NAALADL2: variants seen among roughly 807,000 people sequenced by gnomAD.
The protein encoded by NAALADL2 is inactive N-acetylated-alpha-linked acidic dipeptidase-like protein 2.
A neutral mutation model predicts 87.2 loss-of-function variants in NAALADL2; 76 were observed. The observed-to-expected ratio is 0.87, with a 90% CI of 0.72 to 1.05. NAALADL2 has a LOEUF of 1.05. Ranked by LOEUF, NAALADL2 falls within the 50% of genes least tolerant of loss-of-function variation. The pLI, the probability that NAALADL2 is intolerant of heterozygous loss-of-function variation, is 0.00. For synonymous variants in NAALADL2, 354 were observed against 331.0 expected (o/e 1.07, Z -0.75); for missense variants, 1,089 against 945.8 (o/e 1.15, Z -1.99).
intron 2 of NAALADL2, among the ~76,000 whole-genome samples, chr3:174,604,842 C>G (rs375863469): frequency 6.6e-6 from 1 of 151,316 alleles, no homozygotes; most frequent in African/African-American, 2.4e-5. Flanking sequence ...GATCTTGGCT[C>G]ACCACAACCT....
chr3:175,126,238 T>C (rs6783266), intron 2 of NAALADL2, among the ~76,000 whole-genome samples: 55,695 of 151,832 alleles, frequency 0.37, 10,326 homozygotes, highest in East Asian at 0.45. Context: ...GAAGAACAGA[T>C]AAAAGAGGCG....
At chr3:175,751,889 A>G (rs969147142) in intron 12 of NAALADL2, among the ~76,000 whole-genome samples, 13 of 151,874 alleles carry the variant, frequency 8.6e-5, no homozygotes, top group African/African-American at 2.9e-4. Context: ...TTTTATTTCA[A>G]TTTAGTTTAA....
intron 2 of NAALADL2, among the ~76,000 whole-genome samples, chr3:174,652,881 A>G (rs578000610): frequency 1.3e-5 from 2 of 152,216 alleles, no homozygotes; most frequent in South Asian, 4.2e-4. Context: ...AAACAGAAAA[A>G]CCCAATGGAA....
At chr3:174,628,478 A>C (rs1188985212) in intron 2 of NAALADL2, among the ~76,000 whole-genome samples, 5 of 110,934 alleles carry the variant, frequency 4.5e-5, no homozygotes, top group Non-Finnish European at 7.7e-5. Context: ...CTGTCTCAAA[A>C]AAAAAAAAAA....
chr3:175,675,710 C>T (rs1337924804), intron 11 of NAALADL2: 1 of 152,152 alleles, frequency 6.6e-6, no homozygotes, highest in Non-Finnish European at 1.5e-5. Context: ...TAATTTTGAA[C>T]TCAGGCATAT....
intron 6 of NAALADL2, among the ~76,000 whole-genome samples, chr3:175,459,331 A>G (rs1314797529): frequency 6.6e-6 from 1 of 152,098 alleles, no homozygotes; most frequent in African/African-American, 2.4e-5. Context: ...GGGTGGGTAG[A>G]TAGATACAGC....
chr3:174,710,598 C>T (rs1397205506), intron 2 of NAALADL2, among the ~76,000 whole-genome samples: 1 of 152,022 alleles, frequency 6.6e-6, no homozygotes, highest in East Asian at 1.9e-4. Context: ...TAGTTGCAGA[C>T]GAGGAAGTTA....
intron 1 of NAALADL2, among the ~76,000 whole-genome samples, chr3:174,950,438 A>G (rs1740167334): frequency 6.6e-6 from 1 of 152,136 alleles, no homozygotes; most frequent in Non-Finnish European, 1.5e-5. Context: ...TGTAAAACAT[A>G]CATATACATG....
At position 175,576,087 on chromosome 3, in the gene NAALADL2, A is replaced by T; in HGVS notation, c.1700A>T (p.Asn567Ile). The change falls in exon 10 of 14, where the codon AAT (asparagine) becomes ATT (isoleucine). Residue 567 changes from asparagine (N) to isoleucine (I), a missense_variant. Coordinates refer to ENST00000454872, the MANE Select transcript of NAALADL2 (RefSeq NM_207015.3). The part of the protein sequence containing the change: ...CTRRAQCPET[N>I]ISSIQIQGDA... ...AGAAGAGCCCAGTGCCCAGAAACCA[A>T]TATCAGTTCTATACAGATACAAGGT... The T allele has an allele frequency of 6.2e-7, 1 of 1,613,378 alleles. No individual in the cohort carries two copies. Among genetic ancestry groups the T allele is most frequent in the East Asian group, 2.2e-5 (1 of 44,858 alleles).
At chr3:174,752,674 T>C (rs1023944323) in intron 3 of NAALADL2, among the ~76,000 whole-genome samples, 2 of 152,150 alleles carry the variant, frequency 1.3e-5, no homozygotes, top group African/African-American at 4.8e-5. Context: ...GTTTGTGTAA[T>C]ATCCCATTCC....
At chr3:175,271,520 G>A (rs1484007698) in intron 4 of NAALADL2, among the ~76,000 whole-genome samples, 4 of 152,140 alleles carry the variant, frequency 2.6e-5, no homozygotes, top group African/African-American at 4.8e-5. Flanking sequence ...AGGCCGGTGT[G>A]GTGGCTCACA....
intron 1 of NAALADL2, among the ~76,000 whole-genome samples, chr3:175,045,839 C>T (rs1754599332): frequency 6.6e-6 from 1 of 152,080 alleles, no homozygotes; most frequent in African/African-American, 2.4e-5. Context: ...TTAAGCAAAC[C>T]TGGCCTTCAT....
chr3:174,564,912 T>C (rs1320852467), intron 2 of NAALADL2, among the ~76,000 whole-genome samples: 1 of 152,004 alleles, frequency 6.6e-6, no homozygotes, highest in African/African-American at 2.4e-5. Context: ...TATAGGTGAA[T>C]TTTTGGTATT....
At chr3:175,282,556 T>C (rs7644331) in intron 4 of NAALADL2, among the ~76,000 whole-genome samples, 128,849 of 152,016 alleles carry the variant, frequency 0.85, 54,725 homozygotes, top group Middle Eastern at 0.9. Flanking sequence ...TGAAAGAACT[T>C]CTTCAAATTC....
intron 2 of NAALADL2, among the ~76,000 whole-genome samples, chr3:174,616,409 AC>A (rs1288943499): frequency 6.6e-6 from 1 of 151,982 alleles, no homozygotes; most frequent in Non-Finnish European, 1.5e-5. Flanking sequence ...ATAGGAAGGT[AC>A]TTTTTTGATA....
chr3:174,815,373 C>T lies in NAALADL2; in HGVS notation c.-9+77627C>T, dbSNP rs534584296. On this transcript the variant is annotated intron_variant, in intron 3 of 3. Transcript: ENST00000434257. ...TTGACTTGTGGATGGTTATCTTCTC[C>T]CTGTGTCTTCACATCATCTTCCTTC... Among the ~76,000 whole-genome samples, 51 of 152,164 alleles carry T rather than the reference C, an allele frequency of 3.4e-4. 1 individual carries two copies. Among genetic ancestry groups the T allele is most frequent in the South Asian group, 4.2e-4 (2 of 4,804 alleles).
intron 11 of NAALADL2, among the ~76,000 whole-genome samples, chr3:175,635,769 G>A (rs7626653): frequency 0.37 from 56,017 of 151,786 alleles, 14,481 homozygotes; most frequent in African/African-American, 0.75. Context: ...TTTCCATATC[G>A]TTCTTGAATA....
At chr3:174,595,598 C>G (rs998146490) in intron 2 of NAALADL2, among the ~76,000 whole-genome samples, 6 of 152,286 alleles carry the variant, frequency 3.9e-5, no homozygotes, top group South Asian at 4.1e-4. Flanking sequence ...TCTGCATGCT[C>G]TCCCTTTTCT....
At chr3:175,632,518 AGT>A (rs1193929765) in intron 11 of NAALADL2, among the ~76,000 whole-genome samples, 2 of 152,012 alleles carry the variant, frequency 1.3e-5, no homozygotes, top group Non-Finnish European at 2.9e-5. Context: ...TGTAGATAAG[AGT>A]GTGTGAAAAA....
Sources: gnomAD v4.1 joint callset for allele counts (sites outside exome capture counted in the v4.1 genomes callset) on GRCh38, gnomAD v4.1.1 for gene constraint, MANE v1.5 for transcripts, NCBI Gene and HGNC (gene_info 2026-07-23, HGNC 2026-07-21) for gene names.